The following FARP2 variants were observed in gnomAD, a reference collection of about 807,000 sequenced individuals.
FARP2 encodes the protein FERM, ARH/RhoGEF and pleckstrin domain protein 2.
In FARP2, 111 loss-of-function variants were observed where a neutral mutation model predicts 130.5. That is an observed-to-expected ratio of 0.85 (90% CI 0.73 to 1.00). The LOEUF is 1.00. Ranked by LOEUF, FARP2 falls within the 50% of genes least tolerant of loss-of-function variation. The pLI, the probability that FARP2 is intolerant of heterozygous loss-of-function variation, is 0.00. For missense variants in FARP2, 1,385 were observed against 1,346.3 expected (o/e 1.03, Z -0.45); for synonymous variants, 504 against 516.9 (o/e 0.98, Z 0.34).
intron 1 of FARP2, among the ~76,000 whole-genome samples, chr2:241,359,343 C>T (rs771730498): frequency 6.6e-6 from 1 of 152,196 alleles, no homozygotes; most frequent in Non-Finnish European, 1.5e-5. Flanking sequence ...CTTTCCCCTT[C>T]CCCGCCCATC....
chr2:241,442,451 G>C, intron 13 of FARP2: 1 of 456,670 alleles, frequency 2.2e-6, no homozygotes, highest in South Asian at 1.5e-5. Context: ...GCACACACAA[G>C]TGGAGAAAGA....
At chr2:241,392,020 G>A (rs2061917420) in intron 2 of FARP2, among the ~76,000 whole-genome samples, 2 of 152,234 alleles carry the variant, frequency 1.3e-5, no homozygotes, top group East Asian at 1.9e-4. Context: ...CAGGGCTGAG[G>A]GAAGGAATAT....
intron 14 of FARP2, among the ~76,000 whole-genome samples, chr2:241,458,261 G>A (rs897551714): frequency 6.6e-6 from 1 of 152,162 alleles, no homozygotes; most frequent in Non-Finnish European, 1.5e-5. Context: ...CAGCTGGATG[G>A]GAAGAGGCCA....
intron 7 of FARP2, among the ~76,000 whole-genome samples, chr2:241,415,609 A>T (rs2062644266): frequency 6.6e-6 from 1 of 152,202 alleles, no homozygotes; most frequent in South Asian, 2.1e-4. Flanking sequence ...GGGCAGATAC[A>T]GGTCAGGAAG....
intron 19 of FARP2, among the ~76,000 whole-genome samples, chr2:241,479,506 C>T (rs1206809055): frequency 6.6e-6 from 1 of 152,240 alleles, no homozygotes; most frequent in Non-Finnish European, 1.5e-5. Flanking sequence ...TCTGCATCAT[C>T]ACTACTTCTG....
At chr2:241,484,216 T>C (rs1212123771) in intron 20 of FARP2, 26 bp from the exon 21 acceptor site, 2 of 1,613,744 alleles carry the variant, frequency 1.2e-6, no homozygotes, top group Non-Finnish European at 1.7e-6. Flanking sequence ...GTGAAGTTCA[T>C]GGATGTAAAG....
intron 1 of FARP2, among the ~76,000 whole-genome samples, chr2:241,361,977 C>T (rs1265249037): frequency 6.6e-6 from 1 of 151,880 alleles, no homozygotes; most frequent in Non-Finnish European, 1.5e-5. Context: ...TCACTGCAAC[C>T]TCCGCCTCCC....
chr2:241,430,512 G>A (rs1164502075), intron 8 of FARP2, among the ~76,000 whole-genome samples: 1 of 152,016 alleles, frequency 6.6e-6, no homozygotes, highest in African/African-American at 2.4e-5. Flanking sequence ...GTCTGTATCT[G>A]CTGAAACCAG....
chr2:241,484,979 C>A (rs2064715795), intron 21 of FARP2, among the ~76,000 whole-genome samples: 1 of 152,140 alleles, frequency 6.6e-6, no homozygotes, highest in Non-Finnish European at 1.5e-5. Context: ...GTCACAGTGA[C>A]TGTCTCTCCC....
chr2:241,388,963 C>T (rs1051082122), intron 2 of FARP2, among the ~76,000 whole-genome samples: 2 of 152,114 alleles, frequency 1.3e-5, no homozygotes, highest in African/African-American at 4.8e-5. Flanking sequence ...GGAGCCCTCA[C>T]GAGTGGGATT....
intron 2 of FARP2, among the ~76,000 whole-genome samples, chr2:241,402,851 T>TATATATATATATAC (rs1559734824): frequency 4.1e-4 from 4 of 9,668 alleles, no homozygotes; most frequent in Non-Finnish European, 1.0e-3. Context: ...TATATATATA[T>TATATATATATATAC]ATATATATAT....
chr2:241,380,133 A>G (rs1227973560), intron 2 of FARP2, among the ~76,000 whole-genome samples: 1 of 152,208 alleles, frequency 6.6e-6, no homozygotes, highest in Non-Finnish European at 1.5e-5. Flanking sequence ...ATGTCATCCT[A>G]TTGATCCCTG....
At chr2:241,453,621 CAAA>C (rs555902009) in intron 13 of FARP2, among the ~76,000 whole-genome samples, 1 of 129,196 alleles carries the variant, frequency 7.7e-6, no homozygotes. Context: ...GACTCTGTCT[CAAA>C]AAAAAAAAAA....
intron 24 of FARP2, 103 bp downstream of exon 24, chr2:241,491,782 C>T (rs2064923283): frequency 4.9e-6 from 6 of 1,214,604 alleles, no homozygotes; most frequent in Non-Finnish European, 6.7e-6. Flanking sequence ...AGCAGGCAGG[C>T]TTGGCCCCAG....
Position 241,459,985 on chromosome 2 carries a change from A to C in FARP2, c.1588-2538A>C, listed in dbSNP as rs113662295. On this transcript the variant is annotated intron_variant, in intron 14 of 26. Transcript: ENST00000264042. The surrounding 1 kb of genome is among the most constrained non-coding windows in gnomAD (Gnocchi z 5.3). ...TCTCTATGTGCCTCGCCCCTGGAGG[A>C]GTGGAGCTGCTCCGGGACTCGAGCA... is the stretch of plus-strand genomic sequence containing the variant. Among the ~76,000 whole-genome samples, 28 of 152,158 alleles carry C rather than the reference A, an allele frequency of 1.8e-4. No individual in the cohort carries two copies. The highest frequency in any genetic ancestry group is 6.7e-4 in the African/African-American group (28 of 41,492).
At chr2:241,372,273 G>T (rs143523627) in intron 1 of FARP2, among the ~76,000 whole-genome samples, 216 of 152,158 alleles carry the variant, frequency 1.4e-3, no homozygotes, top group African/African-American at 4.2e-3. Context: ...GGGTTATTGT[G>T]AGAATGGGCA....
chr2:241,456,729 C>T lies in FARP2; in HGVS notation c.1412-18C>T. ...CTTTCTCATTTCTCGCTCCATCCCC[C>T]TCCCCGTTCATTTCCAGGCCTTTCC... On this transcript the variant is annotated intron_variant, in intron 13 of 26. Transcript: ENST00000264042. The T allele has an allele frequency of 6.2e-7, 1 of 1,613,932 alleles. No individual in the cohort carries two copies. Among genetic ancestry groups the T allele is most frequent in the Non-Finnish European group, 8.5e-7 (1 of 1,179,812 alleles).
At chr2:241,474,173 G>A (rs971189763) in intron 18 of FARP2, among the ~76,000 whole-genome samples, 1 of 151,946 alleles carries the variant, frequency 6.6e-6, no homozygotes, top group African/African-American at 2.4e-5. Context: ...GGGCGTGGTG[G>A]CGGGTGCCTG....
intron 2 of FARP2, among the ~76,000 whole-genome samples, chr2:241,392,711 G>A (rs753693613): frequency 4.5e-4 from 69 of 151,950 alleles, no homozygotes; most frequent in Non-Finnish European, 5.6e-4. Flanking sequence ...AGGCTGAGGC[G>A]GATGGATTAC....
Sources: allele counts gnomAD v4.1 joint callset (sites outside exome capture counted in the v4.1 genomes callset), GRCh38; gene constraint gnomAD v4.1.1; non-coding constraint Gnocchi (gnomAD v3.1); transcripts MANE v1.5; gene names NCBI Gene and HGNC (gene_info 2026-07-23, HGNC 2026-07-21).